The following TTC6 variants were observed in gnomAD, a reference collection of about 807,000 sequenced individuals.
The protein encoded by TTC6 is tetratricopeptide repeat domain 6.
A neutral mutation model predicts 210.4 loss-of-function variants in TTC6; 172 were observed. The ratio of observed to expected loss-of-function variants is 0.82; its 90% CI spans 0.72 to 0.93. The LOEUF is 0.93. TTC6 is among the 40% of genes least tolerant of loss of function. TTC6 has a pLI of 0.00. For synonymous variants in TTC6, 804 were observed against 819.6 expected (o/e 0.98, Z 0.32); for missense variants, 2,414 against 2,318.1 (o/e 1.04, Z -0.85).
At chr14:37,705,788 A>G (rs1405854666) in intron 5 of TTC6, among the ~76,000 whole-genome samples, 1 of 152,092 alleles carries the variant, frequency 6.6e-6, no homozygotes, top group Non-Finnish European at 1.5e-5. Context: ...AACATGTAAG[A>G]GGAGTCCCTG....
At chr14:37,665,202 T>A (rs1332426580) in intron 1 of TTC6, among the ~76,000 whole-genome samples, 1 of 150,410 alleles carries the variant, frequency 6.6e-6, no homozygotes, top group Non-Finnish European at 1.5e-5. Context: ...TGCATGCAAA[T>A]GTTCATTGCA....
At chr14:37,784,863 T>C (rs1451437200) in intron 14 of TTC6, among the ~76,000 whole-genome samples, 1 of 152,216 alleles carries the variant, frequency 6.6e-6, no homozygotes, top group African/African-American at 2.4e-5. Context: ...AAGGATTTTA[T>C]TTCTCCTTCA....
In TTC6 at chr14:37,622,525, C is replaced by T. The variant is rs568787126; in HGVS notation, c.461C>T (p.Pro154Leu). The change falls in exon 1 of 31, where the codon CCG (proline) becomes CTG (leucine). Residue 154 changes from proline (P) to leucine (L), a missense_variant. Pro to Leu is a moderately conservative substitution (Grantham distance 98, BLOSUM62 -3). Transcript: ENST00000553443. ...GCCAGACCCGTGGTCCTGCTGCCTC[C>T]GCCCGAGCCACCCGTGAAGCGCAGA... 4.9e-5 allele frequency: 75 copies of T among 1,535,144 alleles called. No homozygotes were observed. The African/African-American group carries it at 8.3e-4, about 17-fold the overall frequency.
intron 1 of TTC6, among the ~76,000 whole-genome samples, chr14:37,623,382 T>G (rs553477498): frequency 1.4e-3 from 215 of 152,352 alleles, no homozygotes; most frequent in African/African-American, 4.6e-3. Context: ...CAGTTTAGTA[T>G]TATTAGTAGT....
At chr14:37,610,479 C>G (rs2095632490) in intron 2 of TTC6, among the ~76,000 whole-genome samples, 1 of 151,718 alleles carries the variant, frequency 6.6e-6, no homozygotes, top group Non-Finnish European at 1.5e-5. Flanking sequence ...GCTAAGTGTA[C>G]TGAGCAAAGC....
intron 7 of TTC6, among the ~76,000 whole-genome samples, chr14:37,729,209 C>T (rs1445380565): frequency 1.3e-5 from 2 of 152,106 alleles, no homozygotes; most frequent in East Asian, 3.9e-4. Context: ...CTAACCTTTT[C>T]ATTTACTTAA....
At chr14:37,680,320 T>A in intron 2 of TTC6, 59 bp downstream of exon 4, 1 of 1,116,546 alleles carries the variant, frequency 9.0e-7, no homozygotes, top group Non-Finnish European at 1.3e-6. Flanking sequence ...TGCTTCCTGT[T>A]GCTTGAATGT....
chr14:37,683,882 AC>A (rs1416376282), intron 3 of TTC6, among the ~76,000 whole-genome samples: 2 of 152,132 alleles, frequency 1.3e-5, no homozygotes, highest in Admixed American at 6.6e-5. Context: ...CATTAAAAAA[AC>A]AGACCCTTTT....
intron 3 of TTC6, among the ~76,000 whole-genome samples, chr14:37,696,348 GT>G (rs913649379): frequency 1.3e-5 from 2 of 151,702 alleles, no homozygotes; most frequent in Non-Finnish European, 2.9e-5. Context: ...AAGCACTAAA[GT>G]TTTTTTTAGC....
chr14:37,683,064 G>T, intron 3 of TTC6, 100 bp downstream of exon 5: 1 of 1,025,664 alleles, frequency 9.7e-7, no homozygotes, highest in Non-Finnish European at 1.4e-6. Context: ...TATGGGGCTG[G>T]GGGCGGGGGT....
At chr14:37,638,141 G>A (rs1463624912) in intron 1 of TTC6, among the ~76,000 whole-genome samples, 1 of 152,190 alleles carries the variant, frequency 6.6e-6, no homozygotes, top group Non-Finnish European at 1.5e-5. Context: ...ATGAAGTATT[G>A]ATACCTGCAA....
intron 3 of TTC6, 48 bp from the exon 6 acceptor site, chr14:37,696,669 T>G: frequency 2.2e-6 from 2 of 921,258 alleles, no homozygotes; most frequent in Non-Finnish European, 3.1e-6. Flanking sequence ...AAGATCTAAC[T>G]CTCATGTTAC....
At chr14:37,622,820 G>C (rs117711529) in exon 1 of TTC6, 114,105 of 1,533,972 alleles carry the variant, frequency 0.074, 4,898 homozygotes, top group Non-Finnish European at 0.083. Flanking sequence ...GAGAACAGGA[G>C]AGCTGGCCGC....
chr14:37,796,877 G>A (rs547830377), exon 20 of TTC6: 10 of 1,611,090 alleles, frequency 6.2e-6, no homozygotes, highest in Non-Finnish European at 8.5e-6. Context: ...GACGGAATCA[G>A]CTGGAATAGA....
At chr14:37,768,122 G>C (rs1464374479) in intron 14 of TTC6, among the ~76,000 whole-genome samples, 1 of 150,418 alleles carries the variant, frequency 6.6e-6, no homozygotes, top group Non-Finnish European at 1.5e-5. Flanking sequence ...GATATGCGGC[G>C]TTATTTCTGA....
intron 1 of TTC6, among the ~76,000 whole-genome samples, chr14:37,643,628 G>T (rs1167289568): frequency 1.3e-5 from 2 of 152,064 alleles, no homozygotes; most frequent in African/African-American, 2.4e-5. Context: ...TAAAGAGGAA[G>T]CCTATCTTTT....
At chr14:37,842,360 T>C in exon 31 of TTC6, 1 of 1,342,074 alleles carries the variant, frequency 7.5e-7, no homozygotes, top group East Asian at 2.7e-5. Flanking sequence ...ATATTTGTTG[T>C]CTAAAAGGTT....
At chr14:37,732,481 C>A (rs142455703) in intron 7 of TTC6, among the ~76,000 whole-genome samples, 1 of 151,496 alleles carries the variant, frequency 6.6e-6, no homozygotes, top group Non-Finnish European at 1.5e-5. Context: ...CCACGCCCGG[C>A]CTTATGTACT....
At position 37,737,714 on chromosome 14, in the gene TTC6, G is replaced by A. The variant is rs149657043; in HGVS notation, c.1963G>A (p.Ala655Thr). 6,886 of 1,520,728 alleles carry A rather than the reference G, an allele frequency of 4.5e-3. 23 individuals carry two copies. Among genetic ancestry groups the A allele is most frequent in the Non-Finnish European group, 5.4e-3 (6,103 of 1,136,626 alleles). The allele number at this position is 1,520,728 out of a possible 1,614,324, so 94.2% of individuals were successfully genotyped here. A position where few individuals can be genotyped will look rare whatever the true frequency, so the allele number is the denominator to read the frequency against. ...TGAAAGTATCCAAAAATGGTTTAGTGCACAACCTACACAACTAAGGGTATT... is the reference window on the plus strand; with the variant it reads ...TGAAAGTATCCAAAAATGGTTTAGTACACAACCTACACAACTAAGGGTATT... Residue 655 changes from alanine (A) to threonine (T), a missense_variant, in exon 9 of 31, where the codon GCA (alanine) becomes ACA (threonine). Ala to Thr is a moderately conservative substitution (Grantham distance 58). Coordinates refer to ENST00000553443, the Ensembl canonical transcript of TTC6.
Sources: gnomAD v4.1 joint callset for allele counts (sites outside exome capture counted in the v4.1 genomes callset) on GRCh38, gnomAD v4.1.1 for gene constraint, MANE v1.5 for transcripts, NCBI Gene and HGNC (gene_info 2026-07-23, HGNC 2026-07-21) for gene names.